Variants in NRG1 observed in about 807,000 individuals in gnomAD.
The protein encoded by NRG1 is pro-neuregulin-1, membrane-bound isoform.
Under a neutral mutation model 63.8 loss-of-function variants are expected in NRG1, and 18 were observed. That is an observed-to-expected ratio of 0.28 (90% CI 0.19 to 0.42). The LOEUF is 0.42. NRG1 is among the 10% of genes least tolerant of loss of function. The pLI is 1.00. For missense variants in NRG1, 762 were observed against 814.7 expected (o/e 0.94, Z 0.79); for synonymous variants, 302 against 301.3 (o/e 1.00, Z -0.02).
chr8:32,120,470 A>AG (rs1482354626), intron 1 of NRG1, among the ~76,000 whole-genome samples: 3 of 152,020 alleles, frequency 2.0e-5, no homozygotes, highest in African/African-American at 4.8e-5. Flanking sequence ...AGTCTGTGAA[A>AG]TCTCCTTGCA....
chr8:31,824,065 C>T (rs551291266), intron 1 of NRG1, among the ~76,000 whole-genome samples: 19 of 151,870 alleles, frequency 1.3e-4, no homozygotes, highest in South Asian at 1.2e-3. Flanking sequence ...ATGTGCACAA[C>T]GTGCAGGTTT....
At chr8:32,361,987 T>G (rs953691853) in intron 1 of NRG1, among the ~76,000 whole-genome samples, 20 of 152,236 alleles carry the variant, frequency 1.3e-4, no homozygotes, top group African/African-American at 4.3e-4. Flanking sequence ...TCCCATGAGC[T>G]CTCCAGAGAT....
At position 32,696,191 on chromosome 8, in the gene NRG1, A is replaced by T. The variant is rs149475284; in HGVS notation, c.503-31758A>T. ...TCAAAACCAACATTCTTAGGAATAC[A>T]TAGAAAATAAAAAGACTACTCATGT... On this transcript the variant is annotated intron_variant, in intron 5 of 11. Coordinates refer to ENST00000356819, the Ensembl canonical transcript of NRG1. 5.1e-4 allele frequency among the ~76,000 whole-genome samples: 78 copies of T among 152,356 alleles called. 1 individual carries two copies. The highest frequency in any genetic ancestry group is 1.7e-3 in the African/African-American group (70 of 41,580).
intron 1 of NRG1, among the ~76,000 whole-genome samples, chr8:32,510,584 G>A (rs1175152957): frequency 1.3e-5 from 2 of 152,068 alleles, no homozygotes; most frequent in African/African-American, 2.4e-5. Flanking sequence ...CCTGTTCTTT[G>A]GAGGAGTAGA....
At chr8:32,439,505 G>A (rs1425418583) in intron 1 of NRG1, among the ~76,000 whole-genome samples, 1 of 152,078 alleles carries the variant, frequency 6.6e-6, no homozygotes, top group Admixed American at 6.6e-5. Context: ...TAACTTGTAT[G>A]TCCCTTCACA....
At chr8:31,741,661 C>A (rs953844355) in intron 1 of NRG1, among the ~76,000 whole-genome samples, 31 of 151,928 alleles carry the variant, frequency 2.0e-4, no homozygotes, top group Non-Finnish European at 5.9e-5. Context: ...ATAGACCATA[C>A]TGAGATGATC....
At position 32,600,256 on chromosome 8, in the gene NRG1, C is replaced by T. The variant is rs370653752; in HGVS notation, c.278+4251C>T. 7.2e-5 allele frequency among the ~76,000 whole-genome samples: 11 copies of T among 151,896 alleles called. No homozygotes were observed. In the South Asian group the frequency reaches 2.3e-3, roughly 32 times the overall value. Reference sequence around the variant, plus strand: ...CCCGTCTCTATACTTAAAAAAAAATCATAATTTCCTCTTTCACTTCTTTGT... The same window carrying T: ...CCCGTCTCTATACTTAAAAAAAAATTATAATTTCCTCTTTCACTTCTTTGT... On this transcript the variant is annotated intron_variant, in intron 2 of 11. Transcript: ENST00000356819.
intron 1 of NRG1, among the ~76,000 whole-genome samples, chr8:32,014,372 G>T (rs751660323): frequency 3.3e-5 from 5 of 152,090 alleles, no homozygotes; most frequent in Non-Finnish European, 5.9e-5. Context: ...TGGTATATAG[G>T]AATGCTTGTG....
In NRG1 at chr8:32,336,416, C is replaced by A. The variant is rs183227964; in HGVS notation, c.38-259412C>A. Among the ~76,000 whole-genome samples, 19 of 152,024 alleles carry A rather than the reference C, an allele frequency of 1.2e-4. No homozygotes were observed. In the East Asian group the frequency reaches 3.7e-3, roughly 29 times the overall value. ...CGTTTCCAAAACCCTCATGGGTAGACCTGAGGCTGTGAGGAAAAGAGGAAT... is the reference window on the plus strand; with the variant it reads ...CGTTTCCAAAACCCTCATGGGTAGAACTGAGGCTGTGAGGAAAAGAGGAAT... On this transcript the variant is annotated intron_variant, in intron 1 of 10. Coordinates refer to the NRG1 transcript ENST00000519301.
intron 5 of NRG1, 122 bp from the exon 6 acceptor site, chr8:32,727,824 TCTG>T: frequency 1.2e-6 from 1 of 850,960 alleles, no homozygotes; most frequent in Non-Finnish European, 1.8e-6. Context: ...GTTTGTAAGG[TCTG>T]CAAGTTTAGT....
chr8:32,428,705 G>C (rs12216733), intron 1 of NRG1, among the ~76,000 whole-genome samples: 3 of 152,176 alleles, frequency 2.0e-5, no homozygotes, highest in African/African-American at 7.2e-5. Flanking sequence ...GCTTATGACA[G>C]CACTCTGATA....
chr8:31,679,728 G>A (rs933118372), intron 1 of NRG1, among the ~76,000 whole-genome samples: 1 of 151,926 alleles, frequency 6.6e-6, no homozygotes, highest in African/African-American at 2.4e-5. Flanking sequence ...AATACAATAA[G>A]AAAAAGAAGA....
At chr8:31,999,788 T>G (rs1469376647) in intron 1 of NRG1, among the ~76,000 whole-genome samples, 2 of 151,892 alleles carry the variant, frequency 1.3e-5, no homozygotes, top group African/African-American at 2.4e-5. Flanking sequence ...AAAAAAGATA[T>G]GTACAATATA....
At chr8:31,897,466 A>G (rs897359607) in intron 1 of NRG1, among the ~76,000 whole-genome samples, 1 of 152,172 alleles carries the variant, frequency 6.6e-6, no homozygotes, top group African/African-American at 2.4e-5. Flanking sequence ...TAGTCCTGCA[A>G]ATCTGTCTCT....
At chr8:32,253,814 C>T (rs1402950379) in intron 1 of NRG1, among the ~76,000 whole-genome samples, 2 of 152,122 alleles carry the variant, frequency 1.3e-5, no homozygotes, top group African/African-American at 2.4e-5. Flanking sequence ...GTGAATCTGT[C>T]TGGTCTTGGG....
chr8:31,871,443 C>T (rs563119621), intron 1 of NRG1, among the ~76,000 whole-genome samples: 113 of 152,146 alleles, frequency 7.4e-4, no homozygotes, highest in Non-Finnish European at 1.2e-3. Context: ...CCCACTAAAT[C>T]GCTCCATGCA....
intron 1 of NRG1, among the ~76,000 whole-genome samples, chr8:31,888,868 T>C (rs1225966620): frequency 2.0e-5 from 3 of 152,126 alleles, no homozygotes; most frequent in Admixed American, 2.0e-4. Flanking sequence ...CTCCTTCTGA[T>C]GAAAAACATT....
At chr8:31,782,310 G>A (rs117553730) in intron 1 of NRG1, among the ~76,000 whole-genome samples, 128 of 151,962 alleles carry the variant, frequency 8.4e-4, no homozygotes, top group Admixed American at 1.8e-3. Context: ...TCAGATTTTC[G>A]CTCAGATACC....
At chr8:32,345,107 T>C (rs904288751) in intron 1 of NRG1, among the ~76,000 whole-genome samples, 1 of 152,220 alleles carries the variant, frequency 6.6e-6, no homozygotes, top group Non-Finnish European at 1.5e-5. Context: ...GACATCTATG[T>C]TGATGCAGTT....
Sources: allele counts gnomAD v4.1 joint callset (sites outside exome capture counted in the v4.1 genomes callset), GRCh38; gene constraint gnomAD v4.1.1; transcripts MANE v1.5; gene names NCBI Gene and HGNC (gene_info 2026-07-23, HGNC 2026-07-21).